Variants in CPXM2 observed in about 807,000 individuals in gnomAD.
CPXM2 encodes the protein carboxypeptidase X, M14 family member 2, also known as inactive carboxypeptidase-like protein X2.
A neutral mutation model predicts 86.1 loss-of-function variants in CPXM2; 66 were observed. The ratio of observed to expected loss-of-function variants is 0.77; its 90% CI spans 0.63 to 0.94. The LOEUF is 0.94. CPXM2 is among the 40% of genes least tolerant of loss of function. CPXM2 has a pLI of 0.00. For missense variants in CPXM2, 948 were observed against 1,026.3 expected (o/e 0.92, Z 1.04); for synonymous variants, 388 against 400.2 (o/e 0.97, Z 0.36).
chr10:123,943,035 C>T (rs1222259747), upstream of CPXM2, among the ~76,000 whole-genome samples: 1 of 152,216 alleles, frequency 6.6e-6, no homozygotes, highest in Non-Finnish European at 1.5e-5. Context: ...TCGACTCTAC[C>T]ATATGGCCAT....
chr10:123,871,106 CCTT>C (rs1944889221), intron 2 of CPXM2, among the ~76,000 whole-genome samples: 1 of 152,238 alleles, frequency 6.6e-6, no homozygotes, highest in Non-Finnish European at 1.5e-5. Context: ...CCACCTACCT[CCTT>C]CTTAAATGTC....
chr10:123,802,089 C>CCCCA (rs1359859266), intron 4 of CPXM2, among the ~76,000 whole-genome samples: 1 of 152,136 alleles, frequency 6.6e-6, no homozygotes, highest in Non-Finnish European at 1.5e-5. Flanking sequence ...GATGCTGGTG[C>CCCCA]CCCAGGAGAG....
At chr10:123,784,643 C>A (rs900362335) in intron 6 of CPXM2, among the ~76,000 whole-genome samples, 1 of 152,194 alleles carries the variant, frequency 6.6e-6, no homozygotes, top group African/African-American at 2.4e-5. Flanking sequence ...TAATCTATTC[C>A]CAGGTATCCC....
At chr10:123,786,976 C>T (rs1329864965) in intron 6 of CPXM2, among the ~76,000 whole-genome samples, 1 of 152,156 alleles carries the variant, frequency 6.6e-6, no homozygotes, top group Non-Finnish European at 1.5e-5. Context: ...CTGAGAACCT[C>T]TTTGAAAAAA....
chr10:123,908,692 C>A (rs1945464550), intron 2 of CPXM2, among the ~76,000 whole-genome samples: 1 of 152,164 alleles, frequency 6.6e-6, no homozygotes, highest in South Asian at 2.1e-4. Flanking sequence ...TTCTCCAGAA[C>A]AGCTGGAGGT....
intron 3 of CPXM2, among the ~76,000 whole-genome samples, chr10:123,861,108 G>A (rs1848840278): frequency 1.3e-5 from 2 of 152,176 alleles, no homozygotes; most frequent in African/African-American, 4.8e-5. Context: ...ACAGTTCCCA[G>A]CACAGCAGCT....
At chr10:123,863,092 T>C (rs1030532700) in intron 2 of CPXM2, among the ~76,000 whole-genome samples, 2 of 152,318 alleles carry the variant, frequency 1.3e-5, no homozygotes, top group African/African-American at 2.4e-5. Flanking sequence ...ATATTGTGCA[T>C]GCTAATGAGC....
In CPXM2 at chr10:123,937,469, CAA is replaced by C. The variant is rs1491338521; in HGVS notation, n.174+2006_174+2007del. Among the ~76,000 whole-genome samples the C allele has an allele frequency of 7.9e-3, 609 of 77,406 alleles. 18 individuals are homozygous for C. The highest frequency in any genetic ancestry group is 1.9e-3 in the East Asian group (4 of 2,150). 50.8% of individuals were successfully genotyped at this position (77,406 alleles called of 152,430 possible). A position where few individuals can be genotyped will look rare whatever the true frequency, so the allele number is the denominator to read the frequency against. ...CTGTTAGAAAAACAAGACAACAAAA[CAA>C]CACACACACACACACACACACACAC... On this transcript the variant is annotated intron_variant and non_coding_transcript_variant, in intron 2 of 19. Coordinates refer to the CPXM2 transcript ENST00000368854.
chr10:123,857,789 C>T (rs933951644), intron 3 of CPXM2, among the ~76,000 whole-genome samples: 3 of 152,230 alleles, frequency 2.0e-5, no homozygotes, highest in African/African-American at 7.2e-5. Context: ...GCACCACGCA[C>T]GGGACTCCGC....
intron 2 of CPXM2, among the ~76,000 whole-genome samples, chr10:123,915,588 A>G (rs544717871): frequency 6.6e-6 from 1 of 152,170 alleles, no homozygotes; most frequent in South Asian, 2.1e-4. Flanking sequence ...AGCCCCACAT[A>G]TTATTCTCCA....
chr10:123,769,949 A>G (rs1225455384), intron 8 of CPXM2, among the ~76,000 whole-genome samples: 1 of 152,130 alleles, frequency 6.6e-6, no homozygotes, highest in Admixed American at 6.5e-5. Context: ...AGGAAATGTG[A>G]TTTTACCAGC....
At chr10:123,835,462 T>C (rs2134140391) in intron 4 of CPXM2, among the ~76,000 whole-genome samples, 1 of 152,324 alleles carries the variant, frequency 6.6e-6, no homozygotes, top group South Asian at 2.1e-4. Context: ...TAACATAAAA[T>C]GCAGAAATGA....
At chr10:123,804,013 T>C (rs535186062) in intron 4 of CPXM2, among the ~76,000 whole-genome samples, 1 of 152,330 alleles carries the variant, frequency 6.6e-6, no homozygotes, top group South Asian at 2.1e-4. Flanking sequence ...ACCATTTATA[T>C]GGTTATTTTC....
intron 3 of CPXM2, among the ~76,000 whole-genome samples, chr10:123,860,270 A>T (rs994837792): frequency 6.6e-6 from 1 of 152,156 alleles, no homozygotes; most frequent in African/African-American, 2.4e-5. Flanking sequence ...TAAGGTCACC[A>T]CTCAAGGAAC....
chr10:123,820,267 C>T (rs1262656315), intron 4 of CPXM2, among the ~76,000 whole-genome samples: 1 of 152,152 alleles, frequency 6.6e-6, no homozygotes, highest in East Asian at 1.9e-4. Flanking sequence ...CATCCCACAT[C>T]ATGTGTCTGG....
Position 123,891,352 on chromosome 10 carries a change from T to C in CPXM2, c.304+4A>G. 2.0e-6 allele frequency: 3 copies of C among 1,536,790 alleles called. No homozygotes were observed. The highest frequency in any genetic ancestry group is 1.4e-5 in the African/African-American group (1 of 71,452). ...CGGGCTGCCCAGCGCAGAAAGTTCC[T>C]TACCTGGTGGAGGCGGCTCCGGAGC... On this transcript the variant is annotated splice_donor_region_variant and intron_variant, in intron 1 of 13. Coordinates refer to ENST00000241305, the MANE Select transcript of CPXM2 (RefSeq NM_198148.3). The surrounding 1 kb of genome is among the most constrained non-coding windows in gnomAD (Gnocchi z 5.6).
At chr10:123,836,986 C>T (rs559123481) in intron 4 of CPXM2, among the ~76,000 whole-genome samples, 1 of 152,356 alleles carries the variant, frequency 6.6e-6, no homozygotes, top group East Asian at 1.9e-4. Flanking sequence ...AGCCACCCCC[C>T]ACTAACTTTC....
chr10:123,852,384 A>G (rs1848621218), intron 3 of CPXM2, among the ~76,000 whole-genome samples: 1 of 152,160 alleles, frequency 6.6e-6, no homozygotes, highest in Non-Finnish European at 1.5e-5. Flanking sequence ...TCCTACTTTC[A>G]AAATAACCTA....
At chr10:123,862,517 A>G in intron 3 of CPXM2, 97 bp downstream of exon 3, 1 of 1,003,774 alleles carries the variant, frequency 1.0e-6, no homozygotes, top group Non-Finnish European at 1.6e-6. Context: ...CATCCAGGCT[A>G]ATGCATTTTA....
Sources: gnomAD v4.1 joint callset for allele counts (sites outside exome capture counted in the v4.1 genomes callset) on GRCh38, gnomAD v4.1.1 for gene constraint, Gnocchi (gnomAD v3.1) non-coding constraint, MANE v1.5 for transcripts, NCBI Gene and HGNC (gene_info 2026-07-23, HGNC 2026-07-21) for gene names.